The following INTS15 variants were observed in gnomAD, a reference collection of about 807,000 sequenced individuals.
INTS15 encodes the protein integrator complex subunit 15.
At chr7:6,607,882 G>A in the INTS15 span, 8 of 1,569,906 alleles carry the variant, frequency 5.1e-6, no homozygotes, top group Non-Finnish European at 6.9e-6. This position sits in a 1 kb window ranked among gnomAD's most constrained non-coding sequence, Gnocchi z 6.0. Context: ...GGGTGCGGGG[G>A]GACGGGGTCA....
chr7:6,602,761 T>C, the INTS15 span: 14 of 471,114 alleles, frequency 3.0e-5, no homozygotes, highest in African/African-American at 2.8e-4. Flanking sequence ...AGGTGAAAAG[T>C]GGGAACTGTG....
the INTS15 span, among the ~76,000 whole-genome samples, chr7:6,591,046 C>G: frequency 6.6e-6 from 1 of 151,674 alleles, no homozygotes; most frequent in African/African-American, 2.4e-5. Flanking sequence ...CCTGTGTTAC[C>G]CAGGCTGGTC....
the INTS15 span, chr7:6,607,885 C>T: frequency 3.8e-5 from 59 of 1,572,644 alleles, no homozygotes; most frequent in East Asian, 8.0e-4. This position sits in a 1 kb window ranked among gnomAD's most constrained non-coding sequence, Gnocchi z 6.0. Flanking sequence ...TGCGGGGGGA[C>T]GGGGTCAGCC....
At chr7:6,600,808 C>T in the INTS15 span, among the ~76,000 whole-genome samples, 52 of 152,218 alleles carry the variant, frequency 3.4e-4, no homozygotes, top group African/African-American at 1.2e-3. Flanking sequence ...CAGGCATGCG[C>T]CACCACGCCT....
the INTS15 span, among the ~76,000 whole-genome samples, chr7:6,604,415 T>G: frequency 6.6e-6 from 1 of 152,120 alleles, no homozygotes; most frequent in East Asian, 1.9e-4. Context: ...GGAGGAAATG[T>G]TGATAGTGGA....
the INTS15 span, chr7:6,602,780 C>T: frequency 2.1e-6 from 1 of 470,656 alleles, no homozygotes; most frequent in Admixed American, 2.4e-5. Context: ...TGGTCAGATT[C>T]TGGAGAGAAT....
the INTS15 span, among the ~76,000 whole-genome samples, chr7:6,605,566 C>CT: frequency 1.3e-5 from 2 of 152,188 alleles, no homozygotes; most frequent in African/African-American, 4.8e-5. Flanking sequence ...CCTGGAGACT[C>CT]TTGACTCCAT....
chr7:6,602,793 G>T, the INTS15 span: 3 of 469,466 alleles, frequency 6.4e-6, no homozygotes, highest in South Asian at 4.7e-5. Flanking sequence ...GAGAGAATCC[G>T]GGCCTTGCCA....
chr7:6,598,051 A>G, the INTS15 span, among the ~76,000 whole-genome samples: 7 of 152,212 alleles, frequency 4.6e-5, no homozygotes, highest in Non-Finnish European at 1.0e-4. Context: ...ACAAGTGTGC[A>G]CACGCACACA....
the INTS15 span, chr7:6,602,095 T>C: frequency 1.5e-5 from 25 of 1,612,944 alleles, no homozygotes; most frequent in Admixed American, 1.3e-4. Context: ...ATCTCCTTAA[T>C]TGCAGATGAC....
At chr7:6,599,300 C>T in the INTS15 span, among the ~76,000 whole-genome samples, 2 of 152,032 alleles carry the variant, frequency 1.3e-5, no homozygotes, top group African/African-American at 4.8e-5. Flanking sequence ...TCAGGGATCA[C>T]ATCTCTGAGG....
the INTS15 span, among the ~76,000 whole-genome samples, chr7:6,604,705 G>A: frequency 1.3e-5 from 2 of 152,194 alleles, no homozygotes; most frequent in Non-Finnish European, 2.9e-5. Flanking sequence ...TGCATAACTC[G>A]AGTCCAGGGT....
the INTS15 span, chr7:6,594,377 T>C: frequency 6.3e-7 from 1 of 1,575,568 alleles, no homozygotes; most frequent in Non-Finnish European, 8.7e-7. Context: ...TGTGCATAGT[T>C]GCTGGTCTAC....
chr7:6,591,918 TC>T, the INTS15 span: 1 of 1,541,660 alleles, frequency 6.5e-7, no homozygotes, highest in Non-Finnish European at 8.9e-7. Flanking sequence ...ATGCCTGTAA[TC>T]CCAGCACTTT....
chr7:6,601,035 G>A, the INTS15 span, among the ~76,000 whole-genome samples: 1 of 149,378 alleles, frequency 6.7e-6, no homozygotes, highest in East Asian at 2.0e-4. Flanking sequence ...TGGCACGATC[G>A]TAGCTCGCCA....
At chr7:6,602,319 AT>A in the INTS15 span, 1 of 562,958 alleles carries the variant, frequency 1.8e-6, no homozygotes, top group Non-Finnish European at 3.1e-6. Context: ...AACCTGAAAA[AT>A]GGTCATCTTG....
the INTS15 span, among the ~76,000 whole-genome samples, chr7:6,598,943 C>T: frequency 1.3e-5 from 2 of 152,102 alleles, no homozygotes; most frequent in Non-Finnish European, 2.9e-5. Flanking sequence ...TGCACCACCA[C>T]TGCCGGCTAA....
chr7:6,590,255 C>A, the INTS15 span: 7 of 1,479,310 alleles, frequency 4.7e-6, no homozygotes, highest in Non-Finnish European at 6.2e-6. Context: ...GTGAGACGCG[C>A]TCGGCGCGGG....
the INTS15 span, chr7:6,602,139 A>G: frequency 6.2e-7 from 1 of 1,612,814 alleles, no homozygotes; most frequent in Admixed American, 1.7e-5. Flanking sequence ...GCCCCATAAT[A>G]AGTAAGTATC....
Sources: allele counts gnomAD v4.1 joint callset (sites outside exome capture counted in the v4.1 genomes callset), GRCh38; gene constraint gnomAD v4.1.1; non-coding constraint Gnocchi (gnomAD v3.1); transcripts MANE v1.5; gene names NCBI Gene and HGNC (gene_info 2026-07-23, HGNC 2026-07-21).